The following DAB1 variants were observed in gnomAD, a reference collection of about 807,000 sequenced individuals.
The protein encoded by DAB1 is disabled homolog 1.
DAB1 carries 15 observed loss-of-function variants against 64.6 expected under a neutral mutation model. That is an observed-to-expected ratio of 0.23 (90% CI 0.16 to 0.36). The LOEUF (loss-of-function observed/expected upper bound fraction) is 0.36. Ranked by LOEUF, DAB1 falls within the 10% of genes least tolerant of loss-of-function variation. The pLI, the probability that DAB1 is intolerant of heterozygous loss-of-function variation, is 1.00. For synonymous variants in DAB1, 235 were observed against 251.9 expected (o/e 0.93, Z 0.64); for missense variants, 596 against 706.7 (o/e 0.84, Z 1.78).
chr1:58,072,323 T>A (rs984061317), intron 5 of DAB1, among the ~76,000 whole-genome samples: 7 of 152,220 alleles, frequency 4.6e-5, no homozygotes, highest in African/African-American at 1.4e-4. Flanking sequence ...TACTATCTCA[T>A]ATTATCTTCA....
chr1:57,082,537 ATTTAAT>A (rs1182348300), intron 4 of DAB1, among the ~76,000 whole-genome samples: 1 of 152,122 alleles, frequency 6.6e-6, no homozygotes, highest in African/African-American at 2.4e-5. Context: ...TTTAAACTTA[ATTTAAT>A]TTTAAGTTCC....
intron 5 of DAB1, among the ~76,000 whole-genome samples, chr1:58,020,920 T>C (rs1646806190): frequency 6.6e-6 from 1 of 152,100 alleles, no homozygotes; most frequent in Non-Finnish European, 1.5e-5. Context: ...GGAGAATCAC[T>C]TGAACCCAGG....
chr1:58,174,967 C>A (rs189625389), intron 4 of DAB1, among the ~76,000 whole-genome samples: 2 of 152,344 alleles, frequency 1.3e-5, no homozygotes, highest in Admixed American at 1.3e-4. Flanking sequence ...ACGCACCAAT[C>A]AGCACTCTGT....
At chr1:57,509,075 C>T (rs530377922) in intron 7 of DAB1, among the ~76,000 whole-genome samples, 5 of 151,854 alleles carry the variant, frequency 3.3e-5, no homozygotes, top group Non-Finnish European at 5.9e-5. Context: ...TCTATATGTA[C>T]ATACATGTAC....
At chr1:57,290,931 T>C in intron 2 of DAB1, 33 bp downstream of exon 2, 1 of 1,462,812 alleles carries the variant, frequency 6.8e-7, no homozygotes, top group Non-Finnish European at 9.6e-7. Flanking sequence ...TGCAGAAAAG[T>C]AGCCATTAAA....
intron 4 of DAB1, among the ~76,000 whole-genome samples, chr1:58,166,086 G>A (rs1189519055): frequency 2.0e-5 from 3 of 152,088 alleles, no homozygotes; most frequent in Non-Finnish European, 4.4e-5. Flanking sequence ...TACTTAAAGA[G>A]GAAGAGAAGA....
At chr1:57,491,004 C>G (rs1644155779) in intron 7 of DAB1, among the ~76,000 whole-genome samples, 1 of 152,210 alleles carries the variant, frequency 6.6e-6, no homozygotes, top group South Asian at 2.1e-4. Flanking sequence ...GCAGAGAAGG[C>G]TTATACTGCA....
chr1:57,655,612 A>G (rs1157168231), intron 6 of DAB1, among the ~76,000 whole-genome samples: 1 of 152,256 alleles, frequency 6.6e-6, no homozygotes, highest in Non-Finnish European at 1.5e-5. Flanking sequence ...GGACAGAGAA[A>G]GACAATAAAC....
chr1:58,355,703 G>A (rs1389207694), intron 3 of DAB1, among the ~76,000 whole-genome samples: 1 of 152,144 alleles, frequency 6.6e-6, no homozygotes, highest in African/African-American at 2.4e-5. Flanking sequence ...CTGGGATAGT[G>A]GGGTACAGGT....
intron 5 of DAB1, among the ~76,000 whole-genome samples, chr1:57,897,279 T>C (rs1400044801): frequency 6.6e-6 from 1 of 152,196 alleles, no homozygotes; most frequent in Non-Finnish European, 1.5e-5. Context: ...AGCAAGTAAT[T>C]GTTGCCCATG....
chr1:58,530,673 T>C, intron 1 of DAB1: 2 of 872,796 alleles, frequency 2.3e-6, no homozygotes, highest in Non-Finnish European at 4.0e-6. Flanking sequence ...CCCAAATCAT[T>C]GTGAGGAAAA....
chr1:57,687,037 T>A (rs1237715719), intron 6 of DAB1, among the ~76,000 whole-genome samples: 5 of 152,072 alleles, frequency 3.3e-5, no homozygotes, highest in Non-Finnish European at 7.4e-5. Flanking sequence ...CCTGGAAGAT[T>A]GCCAAAGCAA....
At chr1:57,378,606 T>G in intron 1 of DAB1, among the ~76,000 whole-genome samples, 1 of 152,234 alleles carries the variant, frequency 6.6e-6, no homozygotes, top group East Asian at 1.9e-4. Context: ...AGTACAGATG[T>G]GCAAATCTGT....
At chr1:57,639,753 A>G (rs544733227) in intron 7 of DAB1, among the ~76,000 whole-genome samples, 3 of 152,290 alleles carry the variant, frequency 2.0e-5, no homozygotes, top group Admixed American at 2.0e-4. Flanking sequence ...GGGTGCTTAC[A>G]GTCTAATGTA....
chr1:57,944,404 T>C (rs1289543077), intron 5 of DAB1, among the ~76,000 whole-genome samples: 1 of 152,212 alleles, frequency 6.6e-6, no homozygotes, highest in African/African-American at 2.4e-5. Context: ...CACCCCCACG[T>C]TACTGCACTA....
At chr1:58,352,909 C>T (rs1644072194) in intron 3 of DAB1, among the ~76,000 whole-genome samples, 4 of 152,062 alleles carry the variant, frequency 2.6e-5, no homozygotes, top group Middle Eastern at 3.2e-3. Context: ...TGGCCTTCAC[C>T]AGACATTGAA....
At chr1:58,066,373 TA>T (rs1222767666) in intron 5 of DAB1, among the ~76,000 whole-genome samples, 4 of 152,198 alleles carry the variant, frequency 2.6e-5, no homozygotes, top group African/African-American at 7.2e-5. Flanking sequence ...TTGTTAGGCT[TA>T]AAACTCTCAT....
intron 5 of DAB1, among the ~76,000 whole-genome samples, chr1:58,034,015 A>G (rs1180876678): frequency 2.6e-5 from 4 of 152,196 alleles, no homozygotes; most frequent in Non-Finnish European, 5.9e-5. Context: ...TATTTGTGTC[A>G]TGACATAATC....
At chr1:57,578,768 A>G (rs542814101) in intron 7 of DAB1, among the ~76,000 whole-genome samples, 1 of 152,224 alleles carries the variant, frequency 6.6e-6, no homozygotes, top group Non-Finnish European at 1.5e-5. Flanking sequence ...TTTGCTACAC[A>G]TGCATTCACT....
Sources: allele counts gnomAD v4.1 joint callset (sites outside exome capture counted in the v4.1 genomes callset), GRCh38; gene constraint gnomAD v4.1.1; transcripts MANE v1.5; gene names NCBI Gene and HGNC (gene_info 2026-07-23, HGNC 2026-07-21).